The following CTNNA3 variants were observed in gnomAD, a reference collection of about 807,000 sequenced individuals.
CTNNA3 encodes the protein catenin alpha-3.
In CTNNA3, 76 loss-of-function variants were observed where a neutral mutation model predicts 95.7. That is an observed-to-expected ratio of 0.79 (90% confidence interval 0.66 to 0.96). CTNNA3 has a LOEUF of 0.96. Ranked by LOEUF, CTNNA3 falls within the 40% of genes least tolerant of loss-of-function variation. The probability of loss-of-function intolerance (pLI) is 0.00; values close to 1 mark genes in which losing one functional copy is unlikely to be tolerated. For synonymous variants in CTNNA3, 431 were observed against 374.4 expected (o/e 1.15, Z -1.74); for missense variants, 1,191 against 1,089.8 (o/e 1.09, Z -1.31).
intron 7 of CTNNA3, among the ~76,000 whole-genome samples, chr10:66,827,514 T>C (rs1472680874): frequency 6.6e-6 from 1 of 152,158 alleles, no homozygotes; most frequent in Non-Finnish European, 1.5e-5. Context: ...TGCAATATAG[T>C]GGAAAAAGTC....
At chr10:67,520,253 T>C (rs1024625108) in intron 5 of CTNNA3, among the ~76,000 whole-genome samples, 5 of 152,218 alleles carry the variant, frequency 3.3e-5, no homozygotes, top group African/African-American at 9.6e-5. Flanking sequence ...TCATCTTTTC[T>C]TTATGCACAT....
chr10:66,010,443 C>A (rs1048285147), intron 15 of CTNNA3, among the ~76,000 whole-genome samples: 1 of 151,902 alleles, frequency 6.6e-6, no homozygotes, highest in Non-Finnish European at 1.5e-5. Context: ...AAGAGGAATT[C>A]AAATTGAAAA....
rs1564897408 is a variant in CTNNA3, at chr10:66,360,821, CTTTCTTTCTTT to C, written c.1732+18320_1732+18330del. Among the ~76,000 whole-genome samples the C allele has an allele frequency of 3.9e-3, 209 of 53,934 alleles. 14 individuals carry two copies. The South Asian group carries it at 0.048, about 12-fold the overall frequency. 35.4% of individuals were successfully genotyped at this position (53,934 alleles called of 152,430 possible). ...CCTTCCTTCCTTCCTTCCTTCCTTT[CTTTCTTTCTTT>C]CTTTCTTTCTTTCTTTCTTTCTTTC... On this transcript the variant is annotated intron_variant, in intron 12 of 17. Transcript: ENST00000433211.
In CTNNA3 at chr10:66,927,821, T is replaced by C; in HGVS notation, c.1048-152297A>G. ...GGTCAAGAGATTTTGGATTCTTGGA[T>C]ATCCCTCAATGACATCAGTCTTGCT... On this transcript the variant is annotated intron_variant, in intron 7 of 17. Coordinates refer to ENST00000433211, the MANE Select transcript of CTNNA3 (RefSeq NM_013266.4). The surrounding 1 kb of genome is among the most constrained non-coding windows in gnomAD (Gnocchi z 4.7). The C allele has an allele frequency of 6.2e-7, 1 of 1,614,252 alleles. No homozygotes were observed.
chr10:66,563,259 G>A (rs1322032664), intron 10 of CTNNA3, among the ~76,000 whole-genome samples: 1 of 152,042 alleles, frequency 6.6e-6, no homozygotes, highest in Non-Finnish European at 1.5e-5. Flanking sequence ...TCAGATTGGA[G>A]CACTGTTTTA....
At chr10:66,426,942 C>A (rs1306494246) in intron 11 of CTNNA3, among the ~76,000 whole-genome samples, 1 of 151,826 alleles carries the variant, frequency 6.6e-6, no homozygotes, top group Non-Finnish European at 1.5e-5. Context: ...CTATATATTT[C>A]ATGAATTCCT....
At chr10:66,639,183 TG>T (rs1845434868) in intron 9 of CTNNA3, among the ~76,000 whole-genome samples, 1 of 130,716 alleles carries the variant, frequency 7.7e-6, no homozygotes, top group African/African-American at 3.1e-5. Context: ...TCAAAGGCTA[TG>T]GTACATTAGT....
At chr10:67,563,167 A>C (rs556547915) in intron 3 of CTNNA3, among the ~76,000 whole-genome samples, 2 of 152,264 alleles carry the variant, frequency 1.3e-5, no homozygotes, top group East Asian at 3.9e-4. Context: ...ACCAAAAAAG[A>C]GCCCGCATCG....
chr10:66,227,727 C>A (rs1298340922), intron 13 of CTNNA3, among the ~76,000 whole-genome samples: 1 of 151,922 alleles, frequency 6.6e-6, no homozygotes, highest in East Asian at 1.9e-4. Context: ...TACTTTTTTG[C>A]AAAATTGTGA....
intron 11 of CTNNA3, among the ~76,000 whole-genome samples, chr10:66,499,290 G>C (rs994073084): frequency 2.0e-5 from 3 of 152,234 alleles, no homozygotes; most frequent in African/African-American, 4.8e-5. Flanking sequence ...TGTTTGCATG[G>C]ACAGCCAAAG....
At chr10:67,343,600 T>C (rs1419924873) in intron 5 of CTNNA3, among the ~76,000 whole-genome samples, 1 of 152,024 alleles carries the variant, frequency 6.6e-6, no homozygotes, top group East Asian at 1.9e-4. Context: ...TGTATGTTGA[T>C]TTTGCATCCT....
intron 13 of CTNNA3, among the ~76,000 whole-genome samples, chr10:66,147,021 TAAATTGCTCTTGA>T (rs1374557650): frequency 1.3e-5 from 2 of 152,216 alleles, no homozygotes; most frequent in African/African-American, 4.8e-5. Flanking sequence ...ATAAACCTTC[TAAATTGCTCTTGA>T]AGGTTGAAAT....
At chr10:66,088,375 G>T (rs1279765837) in intron 14 of CTNNA3, among the ~76,000 whole-genome samples, 1 of 151,664 alleles carries the variant, frequency 6.6e-6, no homozygotes, top group East Asian at 1.9e-4. Context: ...GTATAATATA[G>T]ATTTGTCACA....
At chr10:67,484,626 T>C (rs1287050665) in intron 5 of CTNNA3, among the ~76,000 whole-genome samples, 13 of 151,954 alleles carry the variant, frequency 8.6e-5, no homozygotes, top group Non-Finnish European at 1.3e-4. Context: ...AATAACCCCA[T>C]TAAAAAGTGA....
intron 12 of CTNNA3, among the ~76,000 whole-genome samples, chr10:66,326,022 C>T (rs550840027): frequency 8.4e-4 from 128 of 152,164 alleles, no homozygotes; most frequent in African/African-American, 2.6e-3. Context: ...CATTGTTTAA[C>T]GTAATTGATG....
intron 10 of CTNNA3, among the ~76,000 whole-genome samples, chr10:66,541,160 T>C (rs991678912): frequency 1.3e-5 from 2 of 152,128 alleles, no homozygotes; most frequent in African/African-American, 4.8e-5. Flanking sequence ...CTCCTTATTG[T>C]TATCCCCTGT....
At chr10:66,250,433 G>A (rs1202062938) in intron 13 of CTNNA3, among the ~76,000 whole-genome samples, 1 of 152,130 alleles carries the variant, frequency 6.6e-6, no homozygotes, top group Non-Finnish European at 1.5e-5. Context: ...TACACAATTT[G>A]TTTATGACAC....
At chr10:65,969,552 A>C (rs1481473834) in intron 16 of CTNNA3, among the ~76,000 whole-genome samples, 1 of 152,146 alleles carries the variant, frequency 6.6e-6, no homozygotes, top group Non-Finnish European at 1.5e-5. Context: ...CCAGAGAATG[A>C]AGGAAGAGAT....
chr10:66,447,076 T>C (rs1346969966), intron 11 of CTNNA3, among the ~76,000 whole-genome samples: 1 of 151,624 alleles, frequency 6.6e-6, no homozygotes, highest in African/African-American at 2.4e-5. Flanking sequence ...CCATTCACAA[T>C]TGCTTCAAAG....
Sources: allele counts gnomAD v4.1 joint callset (sites outside exome capture counted in the v4.1 genomes callset), GRCh38; gene constraint gnomAD v4.1.1; non-coding constraint Gnocchi (gnomAD v3.1); transcripts MANE v1.5; gene names NCBI Gene and HGNC (gene_info 2026-07-23, HGNC 2026-07-21).